The following ZFPM1 variants were observed in gnomAD, a reference collection of about 807,000 sequenced individuals.
ZFPM1 encodes zinc finger protein, FOG family member 1, also known as zinc finger protein ZFPM1.
Under a neutral mutation model 46.3 loss-of-function variants are expected in ZFPM1, and 28 were observed. The observed-to-expected ratio is 0.60, with a 90% CI of 0.45 to 0.83. ZFPM1 has a LOEUF of 0.83. Ranked by LOEUF, ZFPM1 falls within the 40% of genes least tolerant of loss-of-function variation. The probability of loss-of-function intolerance (pLI) is 0.00; values close to 1 mark genes in which losing one functional copy is unlikely to be tolerated. For synonymous variants in ZFPM1, 957 were observed against 675.9 expected, an observed-to-expected ratio of 1.42 and a Z score of -6.45; for missense variants, 1,878 against 1,432.4, an observed-to-expected ratio of 1.31 and a Z score of -5.02.
In ZFPM1 at chr16:88,534,750, G is replaced by A; in HGVS notation, c.2792G>A (p.Gly931Asp). The A allele has an allele frequency of 2.0e-6, 2 of 1,024,688 alleles. No individual in the cohort carries two copies. Among genetic ancestry groups the A allele is most frequent in the Non-Finnish European group, 1.2e-6 (1 of 855,886 alleles). 63.5% of individuals were successfully genotyped at this position (1,024,688 alleles called of 1,614,324 possible). ...CCGGAGCCCCAGGAGCCGCCGCCCGGCCCGCCCCCGTCCCCGGCCGCCGCG... is the reference window on the plus strand; with the variant it reads ...CCGGAGCCCCAGGAGCCGCCGCCCGACCCGCCCCCGTCCCCGGCCGCCGCG... ...LGPEPQEPPP[G>D]PPPSPAAAPE... is the part of the protein sequence containing the mutation. The change falls in exon 10 of 10, where the codon GGC (glycine) becomes GAC (aspartate). Residue 931 changes from glycine (G) to aspartate (D), a missense_variant. Gly to Asp is a moderately conservative substitution (Grantham distance 94). Transcript: ENST00000319555.
chr16:88,534,569 G>A lies in ZFPM1; in HGVS notation c.2611G>A (p.Glu871Lys). The change falls in exon 10 of 10, where the codon GAG (glutamate) becomes AAG (lysine). Residue 871 changes from glutamate (E) to lysine (K), a missense_variant. Coordinates refer to ENST00000319555, the MANE Select transcript of ZFPM1 (RefSeq NM_153813.3). ...PNGPVRGDLL[E>K]HFRLAHGLLL... ...CGGCCCGGTGCGCGGGGACCTGCTG[G>A]AGCATTTCCGCCTGGCGCACGGCCT... The A allele has an allele frequency of 7.6e-7, 1 of 1,308,804 alleles. No homozygotes were observed. The highest frequency in any genetic ancestry group is 9.7e-7 in the Non-Finnish European group (1 of 1,028,574). The allele number at this position is 1,308,804 out of a possible 1,614,324, so 81.1% of individuals were successfully genotyped here.
chr16:88,485,436 A>C (rs1597242141), intron 1 of ZFPM1, among the ~76,000 whole-genome samples: 1 of 139,560 alleles, frequency 7.2e-6, no homozygotes, highest in Non-Finnish European at 1.5e-5. Context: ...AAGAATCATC[A>C]GGTCTTTTTT....
chr16:88,533,520 C>A lies in ZFPM1; in HGVS notation c.1562C>A (p.Ala521Asp). The A allele has an allele frequency of 1.4e-6, 2 of 1,429,646 alleles. No individual in the cohort carries two copies. Among genetic ancestry groups the A allele is most frequent in the South Asian group, 1.3e-5 (1 of 74,628 alleles). 88.6% of individuals were successfully genotyped at this position (1,429,646 alleles called of 1,614,324 possible). The change falls in exon 10 of 10, where the codon GCC becomes GAC. Residue 521 changes from alanine to aspartate, a missense_variant. Transcript: ENST00000319555. ...CCGGTGCCCGGCGAGCTGGGCCTGG[C>A]CGGGGCCCTGTTCCTTCCGCAGTAC... ...SSPVPGELGL[A>D]GALFLPQYVF... is the part of the protein sequence containing the mutation.
intron 3 of ZFPM1, among the ~76,000 whole-genome samples, chr16:88,491,265 C>T (rs917261950): frequency 2.0e-5 from 3 of 152,148 alleles, no homozygotes; most frequent in Non-Finnish European, 2.9e-5. Flanking sequence ...GCAGGGAGGG[C>T]GCCCACAGGC....
At position 88,534,811 on chromosome 16, in the gene ZFPM1, C is replaced by G. The variant is rs376960339; in HGVS notation, c.2853C>G (p.Ser951=). ...EAVPPPPAPP[S]YSDKGVQTPS... is the part of the protein sequence containing the mutation. ...TGCCGCCCCCGCCGGCGCCCCCCTCCTACTCGGACAAGGGCGTCCAGACTC... is the reference window on the plus strand; with the variant it reads ...TGCCGCCCCCGCCGGCGCCCCCCTCGTACTCGGACAAGGGCGTCCAGACTC... Residue 951 remains serine, a synonymous_variant, in exon 10 of 10, where the codon TCC becomes TCG. Transcript: ENST00000319555. The G allele has an allele frequency of 3.3e-4, 487 of 1,474,532 alleles. 2 individuals carry two copies. The African/African-American group carries it at 5.9e-3, about 18-fold the overall frequency. The allele number at this position is 1,474,532 out of a possible 1,614,324, so 91.3% of individuals were successfully genotyped here.
intron 2 of ZFPM1, among the ~76,000 whole-genome samples, chr16:88,488,371 GA>G (rs1222678199): frequency 6.6e-6 from 1 of 152,244 alleles, no homozygotes. Context: ...ATAGCGTGGC[GA>G]TGGGCGCGAT....
At chr16:88,533,113 A>G in intron 9 of ZFPM1, 35 bp from the exon 10 acceptor site, 1 of 1,174,566 alleles carries the variant, frequency 8.5e-7, no homozygotes, top group Non-Finnish European at 1.1e-6. Flanking sequence ...GTCCTGCCCC[A>G]GGCCTGAGGT....
Position 88,520,159 on chromosome 16 carries a change from G to C in ZFPM1, c.402+5639G>C, listed in dbSNP as rs1358950411. Among the ~76,000 whole-genome samples, 3 of 147,472 alleles carry C rather than the reference G, an allele frequency of 2.0e-5. No homozygotes were observed. In the East Asian group the frequency reaches 6.2e-4, roughly 30 times the overall value. ...TGGATGGATGGATGACGGGTGAATG[G>C]GTGGATGCATGGGTAGATGGGTGGG... On this transcript the variant is annotated intron_variant, in intron 4 of 9. Coordinates refer to ENST00000319555, the MANE Select transcript of ZFPM1 (RefSeq NM_153813.3).
chr16:88,508,884 C>A (rs900489238), intron 3 of ZFPM1, among the ~76,000 whole-genome samples: 9 of 152,170 alleles, frequency 5.9e-5, no homozygotes, highest in African/African-American at 1.9e-4. Context: ...GGCTCCAGGT[C>A]CTCAGGGGCC....
In ZFPM1 at chr16:88,535,014, C is replaced by T. The variant is rs770631568; in HGVS notation, c.*35C>T. ...CTACAGCCGCAGACGCTTTGCACGC[C>T]CCGCTGCGATGCGGGGAGGGGGCCG... is the stretch of plus-strand genomic sequence containing the variant. On this transcript the variant is annotated 3_prime_UTR_variant, in exon 10 of 10. Coordinates refer to ENST00000319555, the MANE Select transcript of ZFPM1 (RefSeq NM_153813.3). 4 of 1,356,890 alleles carry T rather than the reference C, an allele frequency of 2.9e-6. No homozygotes were observed. Among genetic ancestry groups the T allele is most frequent in the South Asian group, 1.9e-5 (1 of 53,174 alleles). 84.1% of individuals were successfully genotyped at this position (1,356,890 alleles called of 1,614,324 possible).
chr16:88,519,140 G>GGATA (rs1327223595), intron 4 of ZFPM1, among the ~76,000 whole-genome samples: 1 of 148,418 alleles, frequency 6.7e-6, no homozygotes, highest in East Asian at 2.0e-4. Flanking sequence ...GTGGATGGAT[G>GGATA]GATGGATGGA....
rs1450696669 is a variant in ZFPM1, at chr16:88,498,729, GA to G, written c.268+9577del. Among the ~76,000 whole-genome samples the G allele has an allele frequency of 4.6e-5, 7 of 152,372 alleles. No individual in the cohort carries two copies. In the East Asian group the frequency reaches 1.4e-3, roughly 29 times the overall value. The stretch of plus-strand genomic sequence containing the variant: ...TCTAATCTGGAGTGATCGCAGGGGT[GA>G]GGCAGCAGTCAGCTCAGAGCCTGAG... On this transcript the variant is annotated intron_variant, in intron 3 of 9. Transcript: ENST00000319555.
chr16:88,455,132 GGTGTGTGTGTGTGTGTGTGTGTGT>G lies in ZFPM1; in HGVS notation c.40+1472_40+1495del, dbSNP rs4047261. ...CCTGAGCGCCTATGTTCGGTTCTGG[GGTGTGTGTGTGTGTGTGTGTGTGT>G]GTGTGTGTGTGTGTGTGGTGTTTCA... On this transcript the variant is annotated intron_variant, in intron 1 of 9. Coordinates refer to ENST00000319555, the MANE Select transcript of ZFPM1 (RefSeq NM_153813.3). Among the ~76,000 whole-genome samples, 6 of 141,770 alleles carry G rather than the reference GGTGTGTGTGTGTGTGTGTGTGTGT, an allele frequency of 4.2e-5. 1 individual carries two copies. The East Asian group carries it at 1.3e-3, about 30-fold the overall frequency. 93.0% of individuals were successfully genotyped at this position (141,770 alleles called of 152,430 possible).
chr16:88,498,051 A>G (rs533090568), intron 3 of ZFPM1, among the ~76,000 whole-genome samples: 1 of 152,234 alleles, frequency 6.6e-6, no homozygotes, highest in African/African-American at 2.4e-5. Context: ...CGATAGCACT[A>G]TTAGTCTTAG....
intron 1 of ZFPM1, 41 bp downstream of exon 1, chr16:88,453,719 C>A (rs1297111967): frequency 2.6e-6 from 3 of 1,153,096 alleles, no homozygotes; most frequent in African/African-American, 1.6e-5. Flanking sequence ...GCGCGCCCGA[C>A]CCCCGCCGGA....
intron 1 of ZFPM1, among the ~76,000 whole-genome samples, chr16:88,478,033 C>G (rs943853496): frequency 1.4e-4 from 22 of 151,984 alleles, no homozygotes; most frequent in African/African-American, 5.3e-4. Context: ...ACGAGCTCCC[C>G]ATGGCAGGGT....
At chr16:88,522,393 C>A (rs1432565165) in intron 4 of ZFPM1, among the ~76,000 whole-genome samples, 2 of 152,194 alleles carry the variant, frequency 1.3e-5, no homozygotes, top group African/African-American at 4.8e-5. Context: ...CAGCTCCCAC[C>A]CTCCCGTGAA....
chr16:88,479,002 G>A (rs1908807114), intron 1 of ZFPM1, among the ~76,000 whole-genome samples: 1 of 152,240 alleles, frequency 6.6e-6, no homozygotes, highest in African/African-American at 2.4e-5. Flanking sequence ...CCGAGCCTGG[G>A]CTCCCCAGTG....
chr16:88,493,626 GCTGTCCCGGGGTGCGGTGA>G (rs1909754033), intron 3 of ZFPM1, among the ~76,000 whole-genome samples: 2 of 104,314 alleles, frequency 1.9e-5, no homozygotes, highest in African/African-American at 2.8e-5. Context: ...GGTACAGAGA[GCTGTCCCGGGGTGCGGTGA>G]GCTGTCCCGG....
Sources: gnomAD v4.1 joint callset for allele counts (sites outside exome capture counted in the v4.1 genomes callset) on GRCh38, gnomAD v4.1.1 for gene constraint, MANE v1.5 for transcripts, NCBI Gene and HGNC (gene_info 2026-07-23, HGNC 2026-07-21) for gene names.